The following SUGCT variants were observed in gnomAD, a reference collection of about 807,000 sequenced individuals.
SUGCT encodes succinyl-CoA:glutarate-CoA transferase.
In SUGCT, 41 loss-of-function variants were observed where a neutral mutation model predicts 55.0. The ratio of observed to expected loss-of-function variants is 0.74; its 90% CI spans 0.58 to 0.97. SUGCT has a LOEUF of 0.97. Among genes scored for constraint, SUGCT ranks in the 50% least tolerant of loss-of-function variants. The pLI is 0.00. For synonymous variants in SUGCT, 187 were observed against 200.4 expected, an observed-to-expected ratio of 0.93 and a Z score of 0.56; for missense variants, 568 against 547.8, an observed-to-expected ratio of 1.04 and a Z score of -0.37.
In SUGCT at chr7:40,860,330, T is replaced by C; in HGVS notation, c.1168T>C (p.Tyr390His). The change falls in exon 14 of 14, where the codon TAC becomes CAC. Residue 390 changes from tyrosine to histidine, a missense_variant. Tyr to His is a moderately conservative substitution (Grantham distance 83). Transcript: ENST00000335693. ...KISVPGPAVR[Y>H]SKFKMSEARP... ...TCCTTTGGCAGGCCCAGCTGTGAGA[T>C]ACAGTAAGTTCAAGATGTCAGAGGC... The C allele has an allele frequency of 6.2e-7, 1 of 1,613,936 alleles. No homozygotes were observed. Among genetic ancestry groups the C allele is most frequent in the Non-Finnish European group, 8.5e-7 (1 of 1,179,864 alleles).
chr7:40,287,498 C>G lies in SUGCT; in HGVS notation c.720+12842C>G, dbSNP rs1365557536. ...TGTAACTGTGTTTTTTCCCTTGATACTCTTTTTTTTTTTTTTAAAGTCAAG... is the reference window on the plus strand; with the variant it reads ...TGTAACTGTGTTTTTTCCCTTGATAGTCTTTTTTTTTTTTTTAAAGTCAAG... On this transcript the variant is annotated intron_variant, in intron 8 of 13. Coordinates refer to ENST00000335693, the MANE Select transcript of SUGCT (RefSeq NM_001193313.2). 3.5e-5 allele frequency among the ~76,000 whole-genome samples: 5 copies of G among 142,414 alleles called. No homozygotes were observed. The East Asian group carries it at 9.7e-4, about 28-fold the overall frequency. The allele number at this position is 142,414 out of a possible 152,430, so 93.4% of individuals were successfully genotyped here.
chr7:40,173,216 G>A (rs1184079391), intron 1 of SUGCT, among the ~76,000 whole-genome samples: 1 of 152,180 alleles, frequency 6.6e-6, no homozygotes, highest in Non-Finnish European at 1.5e-5. Flanking sequence ...TGTTCAGCTC[G>A]ATTAGGACAA....
At chr7:40,717,583 G>C (rs911295084) in intron 12 of SUGCT, among the ~76,000 whole-genome samples, 1 of 152,192 alleles carries the variant, frequency 6.6e-6, no homozygotes, top group African/African-American at 2.4e-5. Context: ...ATTCTCTGGG[G>C]ACCCCTTTTT....
intron 6 of SUGCT, among the ~76,000 whole-genome samples, chr7:40,210,468 G>GTA (rs904784701): frequency 8.7e-5 from 13 of 149,114 alleles, no homozygotes; most frequent in Admixed American, 2.0e-4. Flanking sequence ...GTGTGTGTGT[G>GTA]TATATATATA....
intron 12 of SUGCT, among the ~76,000 whole-genome samples, chr7:40,561,459 C>T (rs1179206438): frequency 2.6e-5 from 4 of 152,098 alleles, no homozygotes; most frequent in Non-Finnish European, 5.9e-5. Context: ...CTATCTGTGT[C>T]TTCATTTTAG....
At chr7:40,291,517 A>AG (rs1793765719) in intron 8 of SUGCT, among the ~76,000 whole-genome samples, 1 of 58,522 alleles carries the variant, frequency 1.7e-5, no homozygotes, top group Non-Finnish European at 3.1e-5. Context: ...GGGTGGGGGG[A>AG]GGGGGGAGGG....
chr7:41,025,231 T>C, the SUGCT span, among the ~76,000 whole-genome samples: 21 of 152,382 alleles, frequency 1.4e-4, no homozygotes, highest in East Asian at 4.0e-3. Flanking sequence ...CAATAATTTC[T>C]TTCTTAAACA....
intron 12 of SUGCT, among the ~76,000 whole-genome samples, chr7:40,639,784 A>T (rs1310226644): frequency 6.6e-6 from 1 of 151,718 alleles, no homozygotes; most frequent in Non-Finnish European, 1.5e-5. Flanking sequence ...AAGTGCTGGG[A>T]TTACAGGCGT....
chr7:40,289,666 A>G (rs1243367867), intron 8 of SUGCT, among the ~76,000 whole-genome samples: 1 of 152,174 alleles, frequency 6.6e-6, no homozygotes, highest in Admixed American at 6.6e-5. Context: ...GCAATTAGGC[A>G]GGAGAAGGAA....
intron 10 of SUGCT, among the ~76,000 whole-genome samples, chr7:40,455,488 A>G (rs1430961973): frequency 7.9e-5 from 12 of 152,194 alleles, no homozygotes; most frequent in Non-Finnish European, 1.6e-4. Flanking sequence ...AAGTAAGAAG[A>G]TGGAAAAATA....
chr7:40,715,588 T>A (rs892494356), intron 12 of SUGCT, among the ~76,000 whole-genome samples: 1 of 152,180 alleles, frequency 6.6e-6, no homozygotes, highest in African/African-American at 2.4e-5. Context: ...CACGAGCATC[T>A]ACCAAACATA....
At chr7:40,565,437 G>T (rs1796074088) in intron 12 of SUGCT, among the ~76,000 whole-genome samples, 1 of 152,174 alleles carries the variant, frequency 6.6e-6, no homozygotes, top group African/African-American at 2.4e-5. Context: ...TTCTGCTGGG[G>T]CATAGGCTAT....
chr7:40,733,009 A>G (rs980633585), intron 12 of SUGCT, among the ~76,000 whole-genome samples: 2 of 152,158 alleles, frequency 1.3e-5, no homozygotes, highest in Non-Finnish European at 2.9e-5. Context: ...CAGGAGGCAG[A>G]GGTGAGCTGA....
At chr7:40,177,429 G>A (rs1387526879) in intron 1 of SUGCT, among the ~76,000 whole-genome samples, 2 of 151,922 alleles carry the variant, frequency 1.3e-5, no homozygotes, top group Admixed American at 1.3e-4. Flanking sequence ...GTGACTTGGG[G>A]GAGGGTGGGG....
intron 9 of SUGCT, among the ~76,000 whole-genome samples, chr7:40,407,336 G>A (rs1786427373): frequency 6.6e-6 from 1 of 151,832 alleles, no homozygotes; most frequent in African/African-American, 2.4e-5. Flanking sequence ...CATAATTCCA[G>A]ATATTTTGTT....
intron 8 of SUGCT, among the ~76,000 whole-genome samples, chr7:40,289,326 C>G (rs1793573994): frequency 6.6e-6 from 1 of 152,120 alleles, no homozygotes; most frequent in Non-Finnish European, 1.5e-5. Flanking sequence ...ATGCTTGAAA[C>G]CATGGTTAGT....
intron 13 of SUGCT, among the ~76,000 whole-genome samples, chr7:40,779,080 G>T (rs1435273573): frequency 2.6e-5 from 4 of 151,768 alleles, no homozygotes; most frequent in Non-Finnish European, 2.9e-5. Context: ...TTCTACACTG[G>T]GTGGTGCTGG....
At chr7:40,469,268 C>T (rs1186597228) in intron 11 of SUGCT, among the ~76,000 whole-genome samples, 1 of 152,092 alleles carries the variant, frequency 6.6e-6, no homozygotes, top group African/African-American at 2.4e-5. Flanking sequence ...TTATTGTAAC[C>T]TCCTCCCAAC....
At chr7:40,262,172 G>T (rs930127735) in intron 7 of SUGCT, among the ~76,000 whole-genome samples, 4 of 152,032 alleles carry the variant, frequency 2.6e-5, no homozygotes, top group Non-Finnish European at 2.9e-5. Flanking sequence ...TTCAATGTAG[G>T]CTGCCAATGA....
Sources: gnomAD v4.1 joint callset for allele counts (sites outside exome capture counted in the v4.1 genomes callset) on GRCh38, gnomAD v4.1.1 for gene constraint, MANE v1.5 for transcripts, NCBI Gene and HGNC (gene_info 2026-07-23, HGNC 2026-07-21) for gene names.